SNX3: variants seen among roughly 807,000 people sequenced by gnomAD.
The protein encoded by SNX3 is sorting nexin 3, also known as sorting nexin-3.
SNX3 carries 5 observed loss-of-function variants against 17.7 expected under a neutral mutation model. The ratio of observed to expected loss-of-function variants is 0.28; its 90% CI spans 0.15 to 0.59. SNX3 has a LOEUF of 0.59. Ranked by LOEUF, SNX3 falls within the 20% of genes least tolerant of loss-of-function variation. SNX3 has a pLI of 0.88. For synonymous variants in SNX3, 91 were observed against 76.5 expected, an observed-to-expected ratio of 1.19 and a Z score of -0.99; for missense variants, 132 against 206.8, an observed-to-expected ratio of 0.64 and a Z score of 2.22.
At chr6:108,257,822 G>T (rs181498749) in intron 1 of SNX3, among the ~76,000 whole-genome samples, 1 of 152,070 alleles carries the variant, frequency 6.6e-6, no homozygotes, top group African/African-American at 2.4e-5. Flanking sequence ...AAATTAGCTG[G>T]GCGTGGTGGC....
At chr6:108,229,568 C>T (rs974980867) in intron 1 of SNX3, among the ~76,000 whole-genome samples, 5 of 152,046 alleles carry the variant, frequency 3.3e-5, no homozygotes, top group Non-Finnish European at 7.4e-5. Context: ...CCACTGCGTA[C>T]GGCCAGTCAG....
intron 2 of SNX3, among the ~76,000 whole-genome samples, chr6:108,218,029 T>G (rs1774642502): frequency 6.6e-6 from 1 of 152,224 alleles, no homozygotes; most frequent in African/African-American, 2.4e-5. Flanking sequence ...CACATGGATT[T>G]AACTCTCAAT....
intron 1 of SNX3, among the ~76,000 whole-genome samples, chr6:108,249,195 TA>T (rs1775777451): frequency 1.3e-5 from 2 of 152,086 alleles, no homozygotes; most frequent in Admixed American, 1.3e-4. Context: ...TTCTGTCTCT[TA>T]AAACACATAC....
intron 1 of SNX3, among the ~76,000 whole-genome samples, chr6:108,257,842 T>C (rs1776075360): frequency 6.6e-6 from 1 of 152,000 alleles, no homozygotes; most frequent in African/African-American, 2.4e-5. Flanking sequence ...CGCGTGCCTG[T>C]AGTCCCAGCT....
At chr6:108,212,882 CTTTTTTTTTTTTTT>C (rs776376957) in intron 3 of SNX3, among the ~76,000 whole-genome samples, 6 of 118,956 alleles carry the variant, frequency 5.0e-5, no homozygotes, top group African/African-American at 9.3e-5. Flanking sequence ...TCCTAAGAAT[CTTTTTTTTTTTTTT>C]TTTTTTTTGA....
intron 1 of SNX3, among the ~76,000 whole-genome samples, chr6:108,242,431 T>C (rs1775548082): frequency 6.6e-6 from 1 of 152,126 alleles, no homozygotes; most frequent in African/African-American, 2.4e-5. Context: ...AGAAATCTAC[T>C]CATCACTACA....
chr6:108,220,874 G>C (rs760554129), intron 2 of SNX3, among the ~76,000 whole-genome samples: 1 of 151,876 alleles, frequency 6.6e-6, no homozygotes, highest in Non-Finnish European at 1.5e-5. Flanking sequence ...CCAGCTACTC[G>C]GGAGGCTGAG....
In SNX3 at chr6:108,232,229, G is replaced by A. The variant is rs569136707; in HGVS notation, c.163-9184C>T. 3.9e-5 allele frequency among the ~76,000 whole-genome samples: 6 copies of A among 152,064 alleles called. No homozygotes were observed. In the South Asian group the frequency reaches 1.0e-3, roughly 26 times the overall value. On this transcript the variant is annotated intron_variant, in intron 1 of 3. Coordinates refer to ENST00000230085, the MANE Select transcript of SNX3 (RefSeq NM_003795.6). ...ATGTTAAAAGAGATATGTGTATGCC[G>A]GATACTCTTAAACTACTATTTTTAT...
intron 1 of SNX3, 93 bp downstream of exon 1, chr6:108,260,667 T>C: frequency 6.9e-7 from 1 of 1,453,514 alleles, no homozygotes; most frequent in Non-Finnish European, 9.5e-7. Flanking sequence ...CCTGGGAGGC[T>C]GTGGCTGCCC....
At chr6:108,242,165 AAAT>A (rs1775539829) in intron 1 of SNX3, among the ~76,000 whole-genome samples, 1 of 152,166 alleles carries the variant, frequency 6.6e-6, no homozygotes, top group South Asian at 2.1e-4. Flanking sequence ...AGAAAGAAAA[AAAT>A]AAGAATGAAC....
intron 1 of SNX3, among the ~76,000 whole-genome samples, chr6:108,234,342 CA>C (rs1190370307): frequency 5.9e-5 from 9 of 152,002 alleles, no homozygotes; most frequent in Non-Finnish European, 1.3e-4. Flanking sequence ...CACCTGAGGT[CA>C]GGAGTTCAAG....
In SNX3 at chr6:108,249,491, C is replaced by T. The variant is rs140567225; in HGVS notation, c.162+11269G>A. On this transcript the variant is annotated intron_variant, in intron 1 of 3. Coordinates refer to ENST00000230085, the MANE Select transcript of SNX3 (RefSeq NM_003795.6). ...ATCTAAACCATGATCCTGGCTAGAA[C>T]AGATTGCAGTCAATTTTGTTTGGCA... 1.9e-3 allele frequency among the ~76,000 whole-genome samples: 284 copies of T among 152,236 alleles called. 2 individuals are homozygous for T. Among genetic ancestry groups the T allele is most frequent in the African/African-American group, 6.6e-3 (274 of 41,532 alleles).
At chr6:108,221,793 C>A (rs892728681) in intron 2 of SNX3, among the ~76,000 whole-genome samples, 1 of 152,148 alleles carries the variant, frequency 6.6e-6, no homozygotes, top group Non-Finnish European at 1.5e-5. Flanking sequence ...GATCCACCCA[C>A]GTTGGCCTCC....
chr6:108,225,654 G>A (rs1774952665), intron 1 of SNX3, among the ~76,000 whole-genome samples: 1 of 151,884 alleles, frequency 6.6e-6, no homozygotes, highest in South Asian at 2.1e-4. Flanking sequence ...ACAAAAAAAA[G>A]ATGCTACCAA....
intron 1 of SNX3, among the ~76,000 whole-genome samples, chr6:108,236,532 C>T (rs1032735561): frequency 3.3e-5 from 5 of 150,922 alleles, no homozygotes; most frequent in Non-Finnish European, 5.9e-5. Flanking sequence ...TACAGGCGCC[C>T]GCCACTACGC....
chr6:108,232,016 C>G (rs888824529), intron 1 of SNX3, among the ~76,000 whole-genome samples: 1 of 152,140 alleles, frequency 6.6e-6, no homozygotes, highest in Non-Finnish European at 1.5e-5. Flanking sequence ...TGCTGGGTAT[C>G]TTGCTTTTCA....
In SNX3 at chr6:108,222,982, A is replaced by C; in HGVS notation, c.226T>G (p.Trp76Gly). Residue 76 changes from tryptophan to glycine, a missense_variant, in exon 2 of 4, where the codon TGG (tryptophan) becomes GGG (glycine). Coordinates refer to ENST00000230085, the MANE Select transcript of SNX3 (RefSeq NM_003795.6). Reference sequence around the variant, plus strand: ...TCTCTTTCTAATTCACTTCGCAGCCATTCAAAGTCACTGTATCTTCTTCTA... The same window carrying C: ...TCTCTTTCTAATTCACTTCGCAGCCCTTCAAAGTCACTGTATCTTCTTCTA... ...TVRRRYSDFEWLRSELERESK... is the reference protein window; with the variant it reads ...TVRRRYSDFEGLRSELERESK... The C allele has an allele frequency of 6.2e-7, 1 of 1,608,654 alleles. No individual in the cohort carries two copies. The highest frequency in any genetic ancestry group is 8.5e-7 in the Non-Finnish European group (1 of 1,176,324).
chr6:108,235,579 C>G (rs1350166024), intron 1 of SNX3, among the ~76,000 whole-genome samples: 2 of 152,142 alleles, frequency 1.3e-5, no homozygotes, highest in Admixed American at 1.3e-4. Flanking sequence ...TATTTCATCT[C>G]TAAAAACTTG....
chr6:108,248,660 A>G (rs1344566268), intron 1 of SNX3, among the ~76,000 whole-genome samples: 2 of 152,242 alleles, frequency 1.3e-5, no homozygotes, highest in Non-Finnish European at 2.9e-5. Context: ...AAGCATATCA[A>G]CATAATCTGG....
Sources: allele counts gnomAD v4.1 joint callset (sites outside exome capture counted in the v4.1 genomes callset), GRCh38; gene constraint gnomAD v4.1.1; transcripts MANE v1.5; gene names NCBI Gene and HGNC (gene_info 2026-07-23, HGNC 2026-07-21).